Variants in FOXP1 observed in about 807,000 individuals in gnomAD.
The protein encoded by FOXP1 is forkhead box P1.
Under a neutral mutation model 98.2 loss-of-function variants are expected in FOXP1, and 15 were observed. The observed-to-expected ratio is 0.15, with a 90% CI of 0.10 to 0.24. The LOEUF (loss-of-function observed/expected upper bound fraction) is 0.24. Among genes scored for constraint, FOXP1 ranks in the 10% least tolerant of loss-of-function variants. The pLI is 1.00. For synonymous variants in FOXP1, 371 were observed against 314.5 expected (o/e 1.18, Z -1.90); for missense variants, 633 against 848.5 (o/e 0.75, Z 3.15).
intron 5 of FOXP1, among the ~76,000 whole-genome samples, chr3:71,293,448 T>C (rs1560256002): frequency 6.6e-6 from 1 of 151,424 alleles, no homozygotes; most frequent in African/African-American, 2.4e-5. Context: ...ACTGTAATCC[T>C]GCCTGGGCAA....
At chr3:71,525,725 C>T (rs2043324256) in intron 2 of FOXP1, among the ~76,000 whole-genome samples, 1 of 152,048 alleles carries the variant, frequency 6.6e-6, no homozygotes, top group African/African-American at 2.4e-5. Flanking sequence ...AAGTGATTTT[C>T]TAATTACAAT....
intron 6 of FOXP1, among the ~76,000 whole-genome samples, chr3:71,126,771 C>A (rs1450198923): frequency 2.7e-5 from 4 of 149,704 alleles, no homozygotes; most frequent in African/African-American, 9.8e-5. Context: ...CTGCAGTCGG[C>A]TGAGATAGCA....
chr3:71,542,779 G>A (rs759256918), intron 2 of FOXP1, among the ~76,000 whole-genome samples: 1 of 152,170 alleles, frequency 6.6e-6, no homozygotes, highest in African/African-American at 2.4e-5. Flanking sequence ...TCCTCCCTCC[G>A]CAGCCAGCTC....
intron 5 of FOXP1, among the ~76,000 whole-genome samples, chr3:71,216,756 A>G (rs1392051392): frequency 6.6e-6 from 1 of 152,202 alleles, no homozygotes; most frequent in Non-Finnish European, 1.5e-5. Context: ...AGGAATTAAA[A>G]AAAAAATCAG....
At chr3:71,539,405 G>A (rs2044610088) in intron 2 of FOXP1, among the ~76,000 whole-genome samples, 1 of 150,892 alleles carries the variant, frequency 6.6e-6, no homozygotes, top group African/African-American at 2.4e-5. Flanking sequence ...ACAGGCGTGA[G>A]CCGCCGCGCT....
At chr3:71,500,527 G>C (rs1233028048) in intron 2 of FOXP1, among the ~76,000 whole-genome samples, 3 of 152,144 alleles carry the variant, frequency 2.0e-5, no homozygotes, top group African/African-American at 7.2e-5. Context: ...CTGTGCTGAA[G>C]AAACTCCACT....
chr3:71,557,812 TTTTG>T (rs139174265), intron 2 of FOXP1, among the ~76,000 whole-genome samples: 3,100 of 152,254 alleles, frequency 0.02, 107 homozygotes, highest in African/African-American at 0.07. Flanking sequence ...TATTTTTTAT[TTTTG>T]TTTGTTTATT....
intron 3 of FOXP1, among the ~76,000 whole-genome samples, chr3:71,387,834 A>C (rs908927857): frequency 6.6e-6 from 1 of 152,252 alleles, no homozygotes; most frequent in African/African-American, 2.4e-5. Context: ...AATGCTCTTA[A>C]GAGAATGGGT....
At chr3:71,004,811 A>G (rs893582835) in intron 12 of FOXP1, among the ~76,000 whole-genome samples, 2 of 151,994 alleles carry the variant, frequency 1.3e-5, no homozygotes, top group Non-Finnish European at 2.9e-5. Flanking sequence ...GCTTTGGAAT[A>G]TTTTCTTTTG....
chr3:71,569,188 C>T (rs1258362346), intron 2 of FOXP1, among the ~76,000 whole-genome samples: 2 of 152,150 alleles, frequency 1.3e-5, no homozygotes, highest in African/African-American at 4.8e-5. Flanking sequence ...ACACAGATGT[C>T]ACTAATGGGC....
At chr3:70,979,975 G>C (rs2038530703) in intron 14 of FOXP1, among the ~76,000 whole-genome samples, 1 of 152,200 alleles carries the variant, frequency 6.6e-6, no homozygotes. Context: ...TTTCAGCGTA[G>C]AATGTTGTCT....
chr3:71,196,437 T>A (rs1441989564), intron 6 of FOXP1, among the ~76,000 whole-genome samples: 1 of 152,206 alleles, frequency 6.6e-6, no homozygotes, highest in Non-Finnish European at 1.5e-5. Flanking sequence ...GCTGGCTTAC[T>A]ACTTTGAGAT....
intron 14 of FOXP1, among the ~76,000 whole-genome samples, chr3:70,980,962 T>C (rs1424379549): frequency 6.6e-6 from 1 of 152,108 alleles, no homozygotes; most frequent in Non-Finnish European, 1.5e-5. Flanking sequence ...CAAACACAAA[T>C]GTCCTTCATG....
intron 4 of FOXP1, among the ~76,000 whole-genome samples, chr3:71,315,632 G>C (rs548613255): frequency 2.0e-5 from 3 of 152,294 alleles, no homozygotes; most frequent in South Asian, 4.2e-4. Context: ...AGGGGACTCT[G>C]TGTGACCAAG....
chr3:71,552,243 T>C (rs2045833789), intron 2 of FOXP1, among the ~76,000 whole-genome samples: 1 of 152,142 alleles, frequency 6.6e-6, no homozygotes, highest in South Asian at 2.1e-4. Context: ...GATGTCAAAT[T>C]TCTTAGTTTT....
chr3:71,551,927 C>T (rs946127157), intron 2 of FOXP1, among the ~76,000 whole-genome samples: 1 of 151,402 alleles, frequency 6.6e-6, no homozygotes, highest in Non-Finnish European at 1.5e-5. Flanking sequence ...TAAACCATTC[C>T]CTCCAGGAAG....
At chr3:71,262,264 C>CA (rs71104433) in intron 5 of FOXP1, among the ~76,000 whole-genome samples, 367 of 25,714 alleles carry the variant, frequency 0.014, 103 homozygotes, top group Middle Eastern at 0.042. Flanking sequence ...GACTCTGTCA[C>CA]AAAAAAAAAA....
At chr3:71,314,585 TAAAAG>T (rs2074944305) in intron 4 of FOXP1, among the ~76,000 whole-genome samples, 1 of 150,022 alleles carries the variant, frequency 6.7e-6, no homozygotes, top group Non-Finnish European at 1.5e-5. Context: ...GCTGGAAAAA[TAAAAG>T]AGAATGTATA....
At position 71,277,118 on chromosome 3, in the gene FOXP1, C is replaced by T. The variant is rs371453935; in HGVS notation, c.-12+22702G>A. Among the ~76,000 whole-genome samples the T allele has an allele frequency of 2.5e-4, 38 of 152,058 alleles. 1 individual carries two copies. In the East Asian group the frequency reaches 5.2e-3, roughly 21 times the overall value. ...GGAATACAGGCGCCCGCCACCACGC[C>T]CAGCTAATTTTTTGTATTTTTAGTA... On this transcript the variant is annotated intron_variant, in intron 5 of 20. Coordinates refer to ENST00000649528, the MANE Select transcript of FOXP1 (RefSeq NM_001349338.3).
Sources: allele counts gnomAD v4.1 joint callset (sites outside exome capture counted in the v4.1 genomes callset), GRCh38; gene constraint gnomAD v4.1.1; transcripts MANE v1.5; gene names NCBI Gene and HGNC (gene_info 2026-07-23, HGNC 2026-07-21).